Variants in CCT6A observed in about 807,000 individuals in gnomAD.
The protein encoded by CCT6A is T-complex protein 1 subunit zeta.
CCT6A carries 6 observed loss-of-function variants against 58.6 expected under a neutral mutation model. The ratio of observed to expected loss-of-function variants is 0.10; its 90% CI spans 0.06 to 0.20. The LOEUF (loss-of-function observed/expected upper bound fraction) is 0.20, where lower values mean the gene tolerates loss of function less well. Among genes scored for constraint, CCT6A ranks in the 10% least tolerant of loss-of-function variants. The pLI, the probability that CCT6A is intolerant of heterozygous loss-of-function variation, is 1.00. For missense variants in CCT6A, 516 were observed against 648.8 expected (o/e 0.80, Z 2.22); for synonymous variants, 245 against 227.8 (o/e 1.08, Z -0.68).
chr7:56,056,456 C>T (rs763933083), intron 5 of CCT6A, 42 bp downstream of exon 5: 2 of 969,210 alleles, frequency 2.1e-6, no homozygotes, highest in South Asian at 2.6e-5. Context: ...GGCATGGAGG[C>T]TCACACCTGT....
rs770432509 is a variant in CCT6A, at chr7:56,058,634, T to C, written c.900T>C (p.Phe300=). The change falls in exon 8 of 14, where the codon TTT becomes TTC. Residue 300 remains phenylalanine (F), a synonymous_variant. Coordinates refer to ENST00000275603, the MANE Select transcript of CCT6A (RefSeq NM_001762.4). ...VVINQKGIDP[F]SLDALSKEGI... is the part of the protein sequence containing the mutation. Reference sequence around the variant, plus strand: ...TTTTGTTACAGGGAATTGACCCCTTTTCCTTAGATGCTCTTTCAAAAGAAG... The same window carrying C: ...TTTTGTTACAGGGAATTGACCCCTTCTCCTTAGATGCTCTTTCAAAAGAAG... 6.2e-7 allele frequency: 1 copy of C among 1,606,640 alleles called. No homozygotes were observed. Among genetic ancestry groups the C allele is most frequent in the Non-Finnish European group, 8.5e-7 (1 of 1,173,908 alleles).
At chr7:56,062,849 T>C in intron 13 of CCT6A, 94 bp downstream of exon 13, 3 of 1,202,224 alleles carry the variant, frequency 2.5e-6, no homozygotes, top group Middle Eastern at 4.7e-4. Flanking sequence ...CCATGAATAA[T>C]GTGATCAGCT....
intron 2 of CCT6A, among the ~76,000 whole-genome samples, chr7:56,054,007 G>T (rs1794249465): frequency 6.6e-6 from 1 of 152,078 alleles, no homozygotes; most frequent in Admixed American, 6.6e-5. Context: ...TATAATGTGT[G>T]TGCCCTTTAG....
intron 5 of CCT6A, among the ~76,000 whole-genome samples, chr7:56,057,697 G>T (rs1255990333): frequency 1.3e-5 from 2 of 152,096 alleles, no homozygotes; most frequent in Non-Finnish European, 2.9e-5. Context: ...TGGCTAACAC[G>T]GTGAAACCCC....
chr7:56,061,265 T>C (rs1161305950), intron 11 of CCT6A, among the ~76,000 whole-genome samples: 2 of 152,210 alleles, frequency 1.3e-5, no homozygotes, highest in Non-Finnish European at 2.9e-5. Flanking sequence ...ATATATAATT[T>C]ATGACTGGTG....
intron 9 of CCT6A, 50 bp from the exon 10 acceptor site, chr7:56,060,215 CTCTT>C (rs1794403586): frequency 1.3e-6 from 2 of 1,515,556 alleles, no homozygotes; most frequent in Non-Finnish European, 1.8e-6. Context: ...TCCCTCTTCT[CTCTT>C]CACTCTGCAC....
At chr7:56,058,174 C>G in intron 6 of CCT6A, 71 bp downstream of exon 6, 1 of 1,027,268 alleles carries the variant, frequency 9.7e-7, no homozygotes. Flanking sequence ...TTTTGTGAAA[C>G]TTTGTTTCCC....
intron 12 of CCT6A, chr7:56,062,482 G>T: frequency 1.6e-6 from 1 of 614,544 alleles, no homozygotes; most frequent in Non-Finnish European, 2.9e-6. Context: ...GGGTGTTCAG[G>T]ACTTCTAAGT....
In CCT6A at chr7:56,063,074, C is replaced by T. The variant is rs779239963; in HGVS notation, c.1585C>T (p.Leu529=). Reference sequence around the variant, plus strand: ...GATCATGCGAGCTGGAATGTCTTCTCTGAAAGGTTGAATTGAAGCTTCCTC... The same window carrying T: ...GATCATGCGAGCTGGAATGTCTTCTTTGAAAGGTTGAATTGAAGCTTCCTC... ...DEIMRAGMSS[L]KG The change falls in exon 14 of 14, where the codon CTG becomes TTG. Residue 529 remains leucine, a synonymous_variant. Transcript: ENST00000275603. 6.2e-7 allele frequency: 1 copy of T among 1,607,072 alleles called. No homozygotes were observed. The highest frequency in any genetic ancestry group is 1.7e-5 in the Admixed American group (1 of 59,984).
intron 8 of CCT6A, 151 bp downstream of exon 8, chr7:56,058,853 G>T: frequency 2.0e-6 from 1 of 503,140 alleles, no homozygotes; most frequent in South Asian, 3.8e-5. Context: ...TCCATCTCTA[G>T]GACTTTTTTC....
In CCT6A at chr7:56,055,784, A is replaced by G; in HGVS notation, c.497A>G (p.Asp166Gly). The change falls in exon 4 of 14, where the codon GAT (aspartate) becomes GGT (glycine). Residue 166 changes from aspartate to glycine, a missense_variant. Transcript: ENST00000275603. ...LRTKVHAELA[D>G]VLTEAVVDSI... ...ACTAAAGTTCATGCTGAACTTGCAG[A>G]TGTCTTAACAGAGGTATGTATTAAA... 6.2e-7 allele frequency: 1 copy of G among 1,613,238 alleles called. No homozygotes were observed. The highest frequency in any genetic ancestry group is 8.5e-7 in the Non-Finnish European group (1 of 1,179,308).
Position 56,060,122 on chromosome 7 carries a change from T to C in CCT6A, c.1066-147T>C, listed in dbSNP as rs76288058. 248 of 641,210 alleles carry C rather than the reference T, an allele frequency of 3.9e-4. 3 individuals are homozygous for C. In the East Asian group the frequency reaches 4.9e-3, roughly 13 times the overall value. The allele number at this position is 641,210 out of a possible 1,614,324, so 39.7% of individuals were successfully genotyped here. ...GATGGGGAAAATCACATTTCTTTTA[T>C]GTGATTTTTCAAAAGGAGATAATTT... On this transcript the variant is annotated intron_variant, in intron 9 of 13. Transcript: ENST00000275603.
intron 11 of CCT6A, 21 bp downstream of exon 11, chr7:56,060,961 C>A (rs1447384286): frequency 1.3e-6 from 2 of 1,576,796 alleles, no homozygotes; most frequent in South Asian, 2.3e-5. Flanking sequence ...TTTTAACAGT[C>A]AATCTTCCAA....
chr7:56,051,775 G>A lies in CCT6A; in HGVS notation c.-74G>A. ...CGGGCCGACTTTTCCAGAAGACCCG[G>A]ATAGTTCCTCCCGGCCACGCCGCGC... On this transcript the variant is annotated 5_prime_UTR_variant, in exon 1 of 14. Transcript: ENST00000275603. 2 of 1,523,748 alleles carry A rather than the reference G, an allele frequency of 1.3e-6. No homozygotes were observed. The highest frequency in any genetic ancestry group is 2.0e-5 in the Admixed American group (1 of 49,304). The allele number at this position is 1,523,748 out of a possible 1,614,324, so 94.4% of individuals were successfully genotyped here. A position where few individuals can be genotyped will look rare whatever the true frequency, so the allele number is the denominator to read the frequency against.
At chr7:56,057,656 G>A (rs13238029) in intron 5 of CCT6A, among the ~76,000 whole-genome samples, 1,673 of 152,270 alleles carry the variant, frequency 0.011, 28 homozygotes, top group Middle Eastern at 0.024. Context: ...CAAGGCGGGC[G>A]GATCACGAGA....
chr7:56,056,171 A>G (rs925365150), intron 4 of CCT6A, 140 bp from the exon 5 acceptor site: 1 of 654,054 alleles, frequency 1.5e-6, no homozygotes, highest in Admixed American at 3.0e-5. Context: ...TTTACATATA[A>G]TGTATTCTAT....
At chr7:56,060,616 C>T (rs1437802520) in intron 10 of CCT6A, 191 bp from the exon 11 acceptor site, 1 of 934,820 alleles carries the variant, frequency 1.1e-6, no homozygotes, top group Non-Finnish European at 1.7e-6. Context: ...TGAACTAATA[C>T]TGATCTGTTG....
intron 1 of CCT6A, 79 bp downstream of exon 1, chr7:56,052,064 G>C (rs1182468137): frequency 6.2e-5 from 75 of 1,208,760 alleles, no homozygotes; most frequent in Admixed American, 1.7e-4. Flanking sequence ...CCGCGGACTG[G>C]AGCCCGCCGC....
At chr7:56,055,885 C>T in intron 4 of CCT6A, 88 bp downstream of exon 4, 6 of 972,948 alleles carry the variant, frequency 6.2e-6, no homozygotes, top group South Asian at 1.6e-5. Flanking sequence ...TTACCAATTT[C>T]AATTACAAGG....
Sources: allele counts gnomAD v4.1 joint callset (sites outside exome capture counted in the v4.1 genomes callset), GRCh38; gene constraint gnomAD v4.1.1; transcripts MANE v1.5; gene names NCBI Gene and HGNC (gene_info 2026-07-23, HGNC 2026-07-21).